Variants in CSMD2 observed in about 807,000 individuals in gnomAD.
CSMD2 encodes CUB and sushi domain-containing protein 2.
A neutral mutation model predicts 398.5 loss-of-function variants in CSMD2; 130 were observed. The ratio of observed to expected loss-of-function variants is 0.33; its 90% CI spans 0.28 to 0.38. CSMD2 has a LOEUF of 0.38. Ranked by LOEUF, CSMD2 falls within the 10% of genes least tolerant of loss-of-function variation. The pLI is 1.00. For missense variants in CSMD2, 3,829 were observed against 4,764.9 expected, an observed-to-expected ratio of 0.80 and a Z score of 5.78; for synonymous variants, 1,828 against 1,908.5, an observed-to-expected ratio of 0.96 and a Z score of 1.10.
intron 29 of CSMD2, among the ~76,000 whole-genome samples, chr1:33,639,189 T>A (rs1211298019): frequency 2.0e-5 from 3 of 152,198 alleles, no homozygotes; most frequent in Non-Finnish European, 4.4e-5. Flanking sequence ...ATGGGATCCA[T>A]GGACTAGCAT....
chr1:33,652,120 T>C (rs1643787700), intron 28 of CSMD2, among the ~76,000 whole-genome samples: 1 of 152,156 alleles, frequency 6.6e-6, no homozygotes, highest in Non-Finnish European at 1.5e-5. Flanking sequence ...GGATTAGATG[T>C]GATGATATGC....
At position 33,714,659 on chromosome 1, in the gene CSMD2, C is replaced by T. The variant is rs763061830; in HGVS notation, c.3334G>A (p.Glu1112Lys). ...TFSCFPGYRL[E>K]GTARITCLGG... ...AGGCACGTGATGCGGGCGGTGCCCT[C>T]CAGACGGTACCCGGGGAAGCAGGAG... Residue 1112 changes from glutamate to lysine, a missense_variant, in exon 21 of 71, where the codon GAG becomes AAG. By Grantham distance (56) the Glu-to-Lys change is moderately conservative. Coordinates refer to ENST00000373381, the MANE Select transcript of CSMD2 (RefSeq NM_001281956.2). 1.6e-5 allele frequency: 26 copies of T among 1,613,874 alleles called. No individual in the cohort carries two copies. The highest frequency in any genetic ancestry group is 2.1e-5 in the Non-Finnish European group (25 of 1,180,054).
chr1:33,648,069 A>C (rs999832662), intron 28 of CSMD2, among the ~76,000 whole-genome samples: 4 of 152,224 alleles, frequency 2.6e-5, no homozygotes, highest in African/African-American at 9.6e-5. Context: ...TGCAGACAAA[A>C]GCAGGGCTTT....
In CSMD2 at chr1:34,164,965, G is replaced by A. The variant is rs986429016; in HGVS notation, c.133C>T (p.Pro45Ser). Residue 45 changes from proline (P) to serine (S), a missense_variant, in exon 1 of 71, where the codon CCG becomes TCG. Physicochemically the swap from Pro to Ser is moderately conservative, Grantham distance 74. This residue lies in a region of CSMD2 where 184 missense variants were observed against 217.7 expected (regional missense o/e 0.85). Transcript: ENST00000373381. The surrounding 1 kb of genome is among the most constrained non-coding windows in gnomAD (Gnocchi z 6.2). ...RWGRPPPPTP[P>S]PLLLLLGCGL... The stretch of plus-strand genomic sequence containing the variant: ...CAGCCCAGCAACAGCAGCAGAGGCG[G>A]CGGCGTTGGCGGCGGCGGGCGGCCC... 24 of 1,216,160 alleles carry A rather than the reference G, an allele frequency of 2.0e-5. No individual in the cohort carries two copies. Among genetic ancestry groups the A allele is most frequent in the Non-Finnish European group, 2.5e-5 (24 of 978,222 alleles). The allele number at this position is 1,216,160 out of a possible 1,614,324, so 75.3% of individuals were successfully genotyped here.
chr1:33,531,391 G>A lies in CSMD2; in HGVS notation c.10171+1659C>T, dbSNP rs984151489. 2.0e-5 allele frequency among the ~76,000 whole-genome samples: 3 copies of A among 152,182 alleles called. No individual in the cohort carries two copies. The East Asian group carries it at 5.8e-4, about 29-fold the overall frequency. ...TTGGACCCTGATGCATTGCTGGTGG[G>A]AATAACATGGTGCAAGAGTTTTGGA... is the stretch of plus-strand genomic sequence containing the variant. On this transcript the variant is annotated intron_variant, in intron 64 of 70. Coordinates refer to ENST00000373381, the MANE Select transcript of CSMD2 (RefSeq NM_001281956.2).
chr1:33,805,680 G>A (rs1008751352), intron 10 of CSMD2, among the ~76,000 whole-genome samples: 7 of 152,102 alleles, frequency 4.6e-5, no homozygotes, highest in African/African-American at 1.4e-4. Context: ...CGATGGTAGT[G>A]GTGTCCTTAT....
intron 25 of CSMD2, among the ~76,000 whole-genome samples, chr1:33,673,961 C>T (rs1333786328): frequency 1.3e-5 from 2 of 152,174 alleles, no homozygotes; most frequent in East Asian, 1.9e-4. Flanking sequence ...CTGAAGGAAG[C>T]ACTAAACATG....
intron 2 of CSMD2, among the ~76,000 whole-genome samples, chr1:34,062,809 A>G (rs1654667676): frequency 6.6e-6 from 1 of 152,226 alleles, no homozygotes; most frequent in African/African-American, 2.4e-5. Context: ...AGAACTGGCT[A>G]TAGAAACCTA....
chr1:34,125,180 T>C (rs1208439964), intron 1 of CSMD2, among the ~76,000 whole-genome samples: 1 of 152,106 alleles, frequency 6.6e-6, no homozygotes, highest in African/African-American at 2.4e-5. Context: ...AACATCTGCA[T>C]TGGGTCTTAA....
intron 29 of CSMD2, among the ~76,000 whole-genome samples, chr1:33,638,448 C>T (rs1355812582): frequency 6.6e-6 from 1 of 152,232 alleles, no homozygotes; most frequent in Non-Finnish European, 1.5e-5. Flanking sequence ...TAACCACTTT[C>T]CCCACCTTCA....
intron 12 of CSMD2, 152 bp from the exon 13 acceptor site, chr1:33,772,903 A>G: frequency 1.5e-6 from 1 of 657,124 alleles, no homozygotes; most frequent in Non-Finnish European, 2.5e-6. Flanking sequence ...ATAAGGAATG[A>G]GGTTTGTGAG....
chr1:33,864,232 C>T, intron 5 of CSMD2: 3 of 1,612,334 alleles, frequency 1.9e-6, no homozygotes, highest in Non-Finnish European at 2.5e-6. Flanking sequence ...GCAAATGTCT[C>T]TTCTTACGTT....
intron 13 of CSMD2, among the ~76,000 whole-genome samples, chr1:33,757,043 A>G (rs918305516): frequency 1.3e-5 from 2 of 152,058 alleles, no homozygotes; most frequent in African/African-American, 2.4e-5. Flanking sequence ...CATTCTCAGT[A>G]AACTATCACA....
At chr1:33,844,317 C>T (rs1354008860) in intron 6 of CSMD2, among the ~76,000 whole-genome samples, 8 of 152,132 alleles carry the variant, frequency 5.3e-5, no homozygotes, top group Admixed American at 5.2e-4. Flanking sequence ...CTGCTGGTCC[C>T]TGTGGCTCCC....
intron 22 of CSMD2, among the ~76,000 whole-genome samples, chr1:33,702,090 A>C (rs1645630900): frequency 6.6e-6 from 1 of 152,206 alleles, no homozygotes; most frequent in Non-Finnish European, 1.5e-5. Flanking sequence ...CTGTGAGTGC[A>C]TTCAGCAAAA....
chr1:34,041,475 C>T (rs973270673), intron 2 of CSMD2, among the ~76,000 whole-genome samples: 4 of 152,202 alleles, frequency 2.6e-5, no homozygotes, highest in Admixed American at 1.3e-4. Context: ...TTCTTCCACC[C>T]AAGTGAAGTG....
At position 33,532,074 on chromosome 1, in the gene CSMD2, C is replaced by T. The variant is rs1299719487; in HGVS notation, c.10171+976G>A. On this transcript the variant is annotated intron_variant, in intron 64 of 70. Coordinates refer to ENST00000373381, the MANE Select transcript of CSMD2 (RefSeq NM_001281956.2). ...CAAGTGATACCATGAAAATAAAACA[C>T]CGTTAGTAAGTTCTAGCTCTGATAT... 2.0e-5 allele frequency among the ~76,000 whole-genome samples: 3 copies of T among 152,174 alleles called. No individual in the cohort carries two copies. The East Asian group carries it at 5.8e-4, about 29-fold the overall frequency.
chr1:34,052,140 G>T lies in CSMD2; in HGVS notation c.405-19434C>A, dbSNP rs961136012. Among the ~76,000 whole-genome samples, 5 of 150,124 alleles carry T rather than the reference G, an allele frequency of 3.3e-5. No homozygotes were observed. The Admixed American group carries it at 3.3e-4, about 10-fold the overall frequency. On this transcript the variant is annotated intron_variant, in intron 2 of 70. Coordinates refer to ENST00000373381, the MANE Select transcript of CSMD2 (RefSeq NM_001281956.2). Reference sequence around the variant, plus strand: ...GATCTCAGTCTTCACAACCATGTGAGCCAATTCCTTATAATAAAGCATATG... The same window carrying T: ...GATCTCAGTCTTCACAACCATGTGATCCAATTCCTTATAATAAAGCATATG...
chr1:33,597,229 C>G (rs1334745796), intron 44 of CSMD2, among the ~76,000 whole-genome samples: 1 of 152,116 alleles, frequency 6.6e-6, no homozygotes, highest in Non-Finnish European at 1.5e-5. Context: ...AATTCTTTCC[C>G]CCACTCCCTT....
Sources: gnomAD v4.1 joint callset for allele counts (sites outside exome capture counted in the v4.1 genomes callset) on GRCh38, gnomAD v4.1.1 for gene constraint, gnomAD v4.1.1 regional missense constraint, Gnocchi (gnomAD v3.1) non-coding constraint, MANE v1.5 for transcripts, NCBI Gene and HGNC (gene_info 2026-07-23, HGNC 2026-07-21) for gene names.